Variants in SCN10A observed in about 807,000 individuals in gnomAD.
The protein encoded by SCN10A is sodium channel protein type 10 subunit alpha.
A neutral mutation model predicts 170.7 loss-of-function variants in SCN10A; 162 were observed. The observed-to-expected ratio is 0.95, with a 90% CI of 0.84 to 1.08. The LOEUF (loss-of-function observed/expected upper bound fraction) is 1.08, where lower values mean the gene tolerates loss of function less well. SCN10A is among the 50% of genes least tolerant of loss of function. The pLI is 0.00. For missense variants in SCN10A, 2,527 were observed against 2,436.9 expected, an observed-to-expected ratio of 1.04 and a Z score of -0.78; for synonymous variants, 985 against 904.6, an observed-to-expected ratio of 1.09 and a Z score of -1.59.
chr3:38,717,431 C>T (rs1293870558), intron 21 of SCN10A, among the ~76,000 whole-genome samples: 2 of 152,216 alleles, frequency 1.3e-5, no homozygotes, highest in Non-Finnish European at 2.9e-5. Flanking sequence ...ACTGTGCCCC[C>T]AAAGGGGTGG....
At position 38,752,162 on chromosome 3, in the gene SCN10A, C is replaced by T. The variant is rs960328649; in HGVS notation, c.1755+57G>A. On this transcript the variant is annotated intron_variant, in intron 12 of 27. Coordinates refer to ENST00000449082, the MANE Select transcript of SCN10A (RefSeq NM_006514.4). ...CATTGGTGATACTCAGGCTTCTTGG[C>T]TCAAGGCTTCTAGGTGGAAGACAGC... 12 of 1,428,866 alleles carry T rather than the reference C, an allele frequency of 8.4e-6. No homozygotes were observed. In the African/African-American group the frequency reaches 1.8e-4, roughly 21 times the overall value. 88.5% of individuals were successfully genotyped at this position (1,428,866 alleles called of 1,614,324 possible). A position where few individuals can be genotyped will look rare whatever the true frequency, so the allele number is the denominator to read the frequency against.
chr3:38,742,135 T>A (rs942785825), intron 14 of SCN10A, among the ~76,000 whole-genome samples, 156 bp downstream of exon 14: 5 of 152,120 alleles, frequency 3.3e-5, no homozygotes, highest in Admixed American at 2.0e-4. Flanking sequence ...GAACCCAGTG[T>A]CCACATGTCT....
intron 8 of SCN10A, among the ~76,000 whole-genome samples, chr3:38,759,928 T>C (rs1418303946): frequency 6.6e-6 from 1 of 152,228 alleles, no homozygotes; most frequent in African/African-American, 2.4e-5. Context: ...TACATGTGTT[T>C]TTTCCTCTAC....
At chr3:38,699,466 C>T (rs1055430080) in intron 27 of SCN10A, among the ~76,000 whole-genome samples, 1 of 152,118 alleles carries the variant, frequency 6.6e-6, no homozygotes, top group Admixed American at 6.5e-5. Context: ...CAACATCTCA[C>T]AGGAAAAATG....
At chr3:38,815,552 C>T (rs372648538) in intron 1 of SCN10A, among the ~76,000 whole-genome samples, 4 of 152,280 alleles carry the variant, frequency 2.6e-5, no homozygotes, top group South Asian at 4.1e-4. Context: ...TAGGACAAAA[C>T]GTCTTGCTGA....
chr3:38,795,496 C>T (rs572072274), intron 1 of SCN10A, among the ~76,000 whole-genome samples: 97 of 151,900 alleles, frequency 6.4e-4, no homozygotes, highest in South Asian at 1.0e-3. Flanking sequence ...CATGTCACCA[C>T]ACTCGGCTAG....
At position 38,697,815 on chromosome 3, in the gene SCN10A, T is replaced by A; in HGVS notation, c.5405A>T (p.Asp1802Val). 1 of 1,614,158 alleles carries A rather than the reference T, an allele frequency of 6.2e-7. No homozygotes were observed. Among genetic ancestry groups the A allele is most frequent in the Non-Finnish European group, 8.5e-7 (1 of 1,180,038 alleles). ...ATTCTTGGTGAAAGCAAAAAGGATG[T>A]CCAAGCAGTGGATCTTATCTCCAGG... ...LVPGDKIHCLDILFAFTKNVL... is the reference protein window; with the variant it reads ...LVPGDKIHCLVILFAFTKNVL... Residue 1802 changes from aspartate to valine, a missense_variant, in exon 28 of 28, where the codon GAC becomes GTC. By Grantham distance (152) the Asp-to-Val change is radical (BLOSUM62 -3). Coordinates refer to ENST00000449082, the MANE Select transcript of SCN10A (RefSeq NM_006514.4).
At chr3:38,809,699 G>C (rs1027991158) in intron 1 of SCN10A, among the ~76,000 whole-genome samples, 2 of 152,152 alleles carry the variant, frequency 1.3e-5, no homozygotes, top group African/African-American at 2.4e-5. Context: ...ACAATGAGAG[G>C]ATTGGTCTAG....
intron 4 of SCN10A, among the ~76,000 whole-genome samples, chr3:38,785,867 A>T (rs1055948210): frequency 1.3e-5 from 2 of 152,240 alleles, no homozygotes; most frequent in African/African-American, 4.8e-5. Context: ...GCCAATAAAC[A>T]TATGATAAAA....
intron 1 of SCN10A, among the ~76,000 whole-genome samples, chr3:38,806,532 A>G (rs1169050037): frequency 6.6e-6 from 1 of 152,206 alleles, no homozygotes; most frequent in Non-Finnish European, 1.5e-5. Flanking sequence ...GACAGGAAGC[A>G]TGAGTTCTGA....
chr3:38,726,838 G>A lies in SCN10A; in HGVS notation c.2855C>T (p.Pro952Leu), dbSNP rs774315933. The change falls in exon 17 of 28, where the codon CCA becomes CTA. Residue 952 changes from proline (P) to leucine (L), a missense_variant. Coordinates refer to ENST00000449082, the MANE Select transcript of SCN10A (RefSeq NM_006514.4). ...KAEPELVVKL[P>L]LSSSKAENHI... ...GTTCTCAGCCTTGGAGCTGGAGAGT[G>A]GGAGTTTCACCACCAGCTCAGGCTC... The A allele has an allele frequency of 1.2e-5, 19 of 1,613,926 alleles. No individual in the cohort carries two copies. The highest frequency in any genetic ancestry group is 1.6e-5 in the Non-Finnish European group (19 of 1,179,808).
intron 18 of SCN10A, among the ~76,000 whole-genome samples, chr3:38,724,797 G>A (rs542637647): frequency 6.6e-6 from 1 of 152,312 alleles, no homozygotes; most frequent in African/African-American, 2.4e-5. Flanking sequence ...CATTTGACAA[G>A]CAGCATCTCA....
chr3:38,709,952 C>T (rs9861456), intron 24 of SCN10A, among the ~76,000 whole-genome samples: 2,160 of 152,256 alleles, frequency 0.014, 52 homozygotes, highest in African/African-American at 0.048. Context: ...GTAAGGGTTG[C>T]CCCTAGGGAC....
At chr3:38,765,389 T>C (rs1243580643) in intron 5 of SCN10A, among the ~76,000 whole-genome samples, 1 of 152,214 alleles carries the variant, frequency 6.6e-6, no homozygotes, top group Non-Finnish European at 1.5e-5. Flanking sequence ...GATTTTTGTA[T>C]AAGGTGAGAG....
At chr3:38,760,628 G>C in intron 8 of SCN10A, 53 bp downstream of exon 8, 1 of 1,366,268 alleles carries the variant, frequency 7.3e-7, no homozygotes, top group Non-Finnish European at 1.0e-6. Flanking sequence ...CCAAGGACAA[G>C]ATGGAGAAGG....
chr3:38,710,680 C>G (rs2063263800), intron 24 of SCN10A, among the ~76,000 whole-genome samples, 164 bp downstream of exon 24: 1 of 152,046 alleles, frequency 6.6e-6, no homozygotes, highest in South Asian at 2.1e-4. Flanking sequence ...CTGAAACACT[C>G]AACAGAGAGC....
In SCN10A at chr3:38,722,216, C is replaced by T. The variant is rs760899135; in HGVS notation, c.3507+42G>A. 1.4e-5 allele frequency: 23 copies of T among 1,586,712 alleles called. No individual in the cohort carries two copies. In the South Asian group the frequency reaches 2.6e-4, roughly 18 times the overall value. On this transcript the variant is annotated intron_variant, in intron 20 of 27. Coordinates refer to ENST00000449082, the MANE Select transcript of SCN10A (RefSeq NM_006514.4). ...AGGGCCTTTGGATTGTAGGAGATTC[C>T]TATCTGGAGGATTTGGGGGCAGGGA...
rs1559439399 is a variant in SCN10A, at chr3:38,746,057, G to GTATGTGTGTATATATA, written c.1868-3529_1868-3528insTATATATACACACATA. Among the ~76,000 whole-genome samples the GTATGTGTGTATATATA allele has an allele frequency of 4.9e-4, 33 of 67,488 alleles. 2 individuals carry two copies. Among genetic ancestry groups the GTATGTGTGTATATATA allele is most frequent in the African/African-American group, 1.8e-3 (32 of 17,786 alleles). 44.3% of individuals were successfully genotyped at this position (67,488 alleles called of 152,430 possible). On this transcript the variant is annotated intron_variant, in intron 13 of 27. Coordinates refer to ENST00000449082, the MANE Select transcript of SCN10A (RefSeq NM_006514.4). ...TATATATACATATATATATGTGTGTGTATGTGTATATATATATATATATAT... is the reference window on the plus strand; with the variant it reads ...TATATATACATATATATATGTGTGTGTATGTGTGTATATATATATGTGTATATATATATATATATAT...
At position 38,723,530 on chromosome 3, in the gene SCN10A, A is replaced by G; in HGVS notation, c.3252T>C (p.Ser1084=). Residue 1084 remains serine (S), a synonymous_variant, in exon 19 of 28, where the codon TCT becomes TCC. Transcript: ENST00000449082. ...CTAGGCAGTCCACCGTGCTGCCCTCAGAGGAGCTTGTGTCGTCCACTCCCT... is the reference window on the plus strand; with the variant it reads ...CTAGGCAGTCCACCGTGCTGCCCTCGGAGGAGCTTGTGTCGTCCACTCCCT... ...PAEGVDDTSS[S]EGSTVDCLDP... The G allele has an allele frequency of 6.2e-7, 1 of 1,606,066 alleles. No homozygotes were observed. The highest frequency in any genetic ancestry group is 8.5e-7 in the Non-Finnish European group (1 of 1,175,802).
Sources: gnomAD v4.1 joint callset for allele counts (sites outside exome capture counted in the v4.1 genomes callset) on GRCh38, gnomAD v4.1.1 for gene constraint, MANE v1.5 for transcripts, NCBI Gene and HGNC (gene_info 2026-07-23, HGNC 2026-07-21) for gene names.